SSBP1: variants seen among roughly 807,000 people sequenced by gnomAD.
SSBP1 encodes single-stranded DNA-binding protein, mitochondrial.
SSBP1 carries 20 observed loss-of-function variants against 27.0 expected under a neutral mutation model. The observed-to-expected ratio is 0.74, with a 90% confidence interval of 0.52 to 1.08. The LOEUF (loss-of-function observed/expected upper bound fraction) is 1.08, where lower values mean the gene tolerates loss of function less well. Among genes scored for constraint, SSBP1 ranks in the 50% least tolerant of loss-of-function variants. SSBP1 has a pLI of 0.00. For missense variants in SSBP1, 137 were observed against 182.4 expected (o/e 0.75, Z 1.44); for synonymous variants, 59 against 59.3 (o/e 1.00, Z 0.02).
chr7:141,740,568 A>G (rs1799488316), intron 2 of SSBP1: 1 of 152,186 alleles, frequency 6.6e-6, no homozygotes, highest in African/African-American at 2.4e-5. Context: ...ATAATTTTAC[A>G]TAACTTGTAG....
intron 6 of SSBP1, among the ~76,000 whole-genome samples, chr7:141,748,513 A>G (rs1280628631): frequency 9.9e-5 from 15 of 152,238 alleles, no homozygotes; most frequent in Non-Finnish European, 1.2e-4. Context: ...TTGAAAGTGT[A>G]TTAACCTTGA....
intron 5 of SSBP1, 102 bp from the exon 6 acceptor site, chr7:141,745,394 T>G: frequency 1.0e-6 from 1 of 973,076 alleles, no homozygotes; most frequent in Admixed American, 2.6e-5. Context: ...TTATATATGA[T>G]TATATATTTC....
chr7:141,744,443 G>A (rs1799692244), intron 5 of SSBP1, among the ~76,000 whole-genome samples: 1 of 152,122 alleles, frequency 6.6e-6, no homozygotes, highest in Non-Finnish European at 1.5e-5. Context: ...CATCTTCGTG[G>A]CAGTTATTTT....
chr7:141,742,345 C>A, intron 3 of SSBP1, 116 bp downstream of exon 3: 1 of 708,358 alleles, frequency 1.4e-6, no homozygotes, highest in South Asian at 1.7e-5. Context: ...GCTTTTAGCT[C>A]ATGTTTGCTC....
At position 141,743,964 on chromosome 7, in the gene SSBP1, G is replaced by A. The variant is rs148271472; in HGVS notation, c.289G>A (p.Val97Met). ...ISVFRPGLRD[V>M]AYQYVKKGSR... ...AGTATTCCGGCCAGGCCTCAGAGAC[G>A]TGGCATATCAATATGTGAAAAAGGG... Residue 97 changes from valine to methionine, a missense_variant, in exon 5 of 7, where the codon GTG becomes ATG. By Grantham distance (21) the Val-to-Met change is conservative (BLOSUM62 1). Around this residue, in one of 2 missense-constraint regions of SSBP1, gnomAD observed 95 missense variants for 152.0 expected, o/e 0.62. Coordinates refer to ENST00000265304, the MANE Select transcript of SSBP1 (RefSeq NM_003143.3). 15 of 1,613,222 alleles carry A rather than the reference G, an allele frequency of 9.3e-6. No homozygotes were observed. The Admixed American group carries it at 1.5e-4, about 16-fold the overall frequency.
chr7:141,744,651 C>T (rs907580325), intron 5 of SSBP1, among the ~76,000 whole-genome samples: 1 of 152,172 alleles, frequency 6.6e-6, no homozygotes, highest in African/African-American at 2.4e-5. Flanking sequence ...ATTTAGCAAT[C>T]ACTAAAATTT....
Position 141,742,914 on chromosome 7 carries a change from GCGCGGTCT to G in SSBP1, c.86-645_86-638del, listed in dbSNP as rs1799600312. Among the ~76,000 whole-genome samples, 11 of 152,310 alleles carry G rather than the reference GCGCGGTCT, an allele frequency of 7.2e-5. No individual in the cohort carries two copies. In the South Asian group the frequency reaches 2.3e-3, roughly 32 times the overall value. On this transcript the variant is annotated intron_variant, in intron 3 of 6. Transcript: ENST00000265304. ...CTGTCGCCCAGGCTGGAGTGCAGTG[GCGCGGTCT>G]CCGCTCACTGCAAACTCTGCCTCCC...
chr7:141,747,654 C>T (rs1251704314), intron 6 of SSBP1, among the ~76,000 whole-genome samples: 1 of 151,540 alleles, frequency 6.6e-6, no homozygotes, highest in African/African-American at 2.4e-5. Context: ...TCCCAAAGTG[C>T]TGGGATTACA....
At chr7:141,745,321 G>T (rs1402710168) in intron 5 of SSBP1, among the ~76,000 whole-genome samples, 175 bp from the exon 6 acceptor site, 1 of 152,190 alleles carries the variant, frequency 6.6e-6, no homozygotes, top group Non-Finnish European at 1.5e-5. Flanking sequence ...TACCAAGTCT[G>T]TTTGGACACT....
intron 2 of SSBP1, 105 bp from the exon 3 acceptor site, chr7:141,742,064 T>G: frequency 1.2e-6 from 1 of 842,572 alleles, no homozygotes; most frequent in South Asian, 1.8e-5. Context: ...TTCTGGAATT[T>G]TCAGGAACTA....
chr7:141,745,161 C>G (rs17162444), intron 5 of SSBP1, among the ~76,000 whole-genome samples: 1 of 152,130 alleles, frequency 6.6e-6, no homozygotes, highest in Non-Finnish European at 1.5e-5. Context: ...ACTCCAAAAT[C>G]AAAGGTCAAG....
intron 5 of SSBP1, 26 bp downstream of exon 5, chr7:141,744,015 T>A: frequency 6.3e-7 from 1 of 1,589,162 alleles, no homozygotes; most frequent in Non-Finnish European, 8.6e-7. Flanking sequence ...AAGGATCTTA[T>A]GAATTGAATG....
chr7:141,741,703 T>C, intron 2 of SSBP1: 1 of 890,746 alleles, frequency 1.1e-6, no homozygotes, highest in Non-Finnish European at 1.3e-6. Context: ...AGAGGATGTA[T>C]ATATTGAATA....
intron 6 of SSBP1, among the ~76,000 whole-genome samples, chr7:141,748,184 A>G (rs1016851331): frequency 2.2e-4 from 33 of 152,030 alleles, no homozygotes; most frequent in African/African-American, 7.0e-4. Context: ...TTCTAGACAT[A>G]AGTTTATTCA....
Position 141,743,673 on chromosome 7 carries a change from A to T in SSBP1, c.198A>T (p.Arg66=). 1 of 1,614,236 alleles carries T rather than the reference A, an allele frequency of 6.2e-7. No homozygotes were observed. The highest frequency in any genetic ancestry group is 8.5e-7 in the Non-Finnish European group (1 of 1,180,042). Reference sequence around the variant, plus strand: ...CTCTAGCAACTAATGAGATGTGGCGATCAGGGGATAGTGAAGTTTACCAAC... The same window carrying T: ...CTCTAGCAACTAATGAGATGTGGCGTTCAGGGGATAGTGAAGTTTACCAAC... ...IFSLATNEMW[R]SGDSEVYQLG... is the part of the protein sequence containing the mutation. The change falls in exon 4 of 7, where the codon CGA becomes CGT. Residue 66 remains arginine, a synonymous_variant. Coordinates refer to ENST00000265304, the MANE Select transcript of SSBP1 (RefSeq NM_003143.3).
At chr7:141,747,699 T>C (rs1389369513) in intron 6 of SSBP1, among the ~76,000 whole-genome samples, 2 of 151,578 alleles carry the variant, frequency 1.3e-5, no homozygotes, top group East Asian at 4.0e-4. Flanking sequence ...GATAATATTT[T>C]TTAAAAATTG....
chr7:141,742,915 C>T (rs1380844159), intron 3 of SSBP1, among the ~76,000 whole-genome samples: 5 of 152,110 alleles, frequency 3.3e-5, no homozygotes, highest in South Asian at 2.1e-4. Flanking sequence ...AGTGCAGTGG[C>T]GCGGTCTCCG....
In SSBP1 at chr7:141,743,716, CT is replaced by C. The variant is rs760779735; in HGVS notation, c.226+16del. The C allele has an allele frequency of 5.6e-6, 9 of 1,610,156 alleles. No homozygotes were observed. Among genetic ancestry groups the C allele is most frequent in the Non-Finnish European group, 7.6e-6 (9 of 1,178,204 alleles). On this transcript the variant is annotated intron_variant, in intron 4 of 6. Transcript: ENST00000265304. ...TTACCAACTGGGTGAGTACAAAAGA[CT>C]GGGGTTTTAATTTTATCAGCAATAA...
intron 3 of SSBP1, among the ~76,000 whole-genome samples, chr7:141,742,656 C>CT (rs1398933805): frequency 6.6e-6 from 1 of 152,182 alleles, no homozygotes; most frequent in Non-Finnish European, 1.5e-5. Context: ...AGATCTAGAG[C>CT]TTACAGTTTG....
Sources: allele counts gnomAD v4.1 joint callset (sites outside exome capture counted in the v4.1 genomes callset), GRCh38; gene constraint gnomAD v4.1.1; regional missense constraint gnomAD v4.1.1; transcripts MANE v1.5; gene names NCBI Gene and HGNC (gene_info 2026-07-23, HGNC 2026-07-21).